Variants in KDM4C observed in about 807,000 individuals in gnomAD.
KDM4C encodes the protein lysine demethylase 4C, also known as lysine-specific demethylase 4C.
A neutral mutation model predicts 129.3 loss-of-function variants in KDM4C; 81 were observed. That is an observed-to-expected ratio of 0.63 (90% CI 0.52 to 0.75). The LOEUF is 0.75. Among genes scored for constraint, KDM4C ranks in the 30% least tolerant of loss-of-function variants. KDM4C has a pLI of 0.00. For missense variants in KDM4C, 1,457 were observed against 1,304.0 expected (o/e 1.12, Z -1.81); for synonymous variants, 573 against 456.1 (o/e 1.26, Z -3.26).
In KDM4C at chr9:6,990,490, G is replaced by T. The variant is rs1818532342; in HGVS notation, c.1752G>T (p.Met584Ile). ...GCAGGCCTCCAGCAAGATCTCCGAT[G>T]ACTCTTGTGAAGCAGCAGGCGCCAA... ...PLSRPPARSP[M>I]TLVKQQAPSD... Residue 584 changes from methionine (M) to isoleucine (I), a missense_variant, in exon 12 of 22, where the codon ATG (methionine) becomes ATT (isoleucine). Transcript: ENST00000381309. 2 of 1,612,740 alleles carry T rather than the reference G, an allele frequency of 1.2e-6. No individual in the cohort carries two copies. The highest frequency in any genetic ancestry group is 1.3e-5 in the African/African-American group (1 of 74,734).
intron 11 of KDM4C, 173 bp downstream of exon 11, chr9:6,986,839 TG>T: frequency 1.9e-6 from 1 of 539,700 alleles, no homozygotes; most frequent in South Asian, 3.3e-5. Flanking sequence ...CTGTGAGCTG[TG>T]GCTCACATAG....
chr9:7,031,676 ATGTGTGTGTGTATGTG>A (rs1218558890), intron 15 of KDM4C, among the ~76,000 whole-genome samples: 1 of 151,826 alleles, frequency 6.6e-6, no homozygotes, highest in Non-Finnish European at 1.5e-5. Flanking sequence ...TTATATATAT[ATGTGTGTGTGTATGTG>A]TGTGTGTGTG....
intron 19 of KDM4C, among the ~76,000 whole-genome samples, chr9:7,135,141 G>A (rs1261658493): frequency 2.6e-5 from 4 of 152,112 alleles, no homozygotes; most frequent in African/African-American, 4.8e-5. Flanking sequence ...GCATCATAGC[G>A]ACAGTTTCCA....
intron 17 of KDM4C, among the ~76,000 whole-genome samples, chr9:7,060,121 T>C (rs976943868): frequency 2.0e-5 from 3 of 152,100 alleles, no homozygotes; most frequent in Non-Finnish European, 2.9e-5. Flanking sequence ...TGATATCCTG[T>C]AACTTATCAG....
chr9:6,854,758 G>T (rs73639382), intron 5 of KDM4C, among the ~76,000 whole-genome samples: 1 of 152,144 alleles, frequency 6.6e-6, no homozygotes, highest in Non-Finnish European at 1.5e-5. Context: ...CAGTTAAGAA[G>T]TATCCAATTA....
At chr9:7,024,595 G>T (rs1476478606) in intron 15 of KDM4C, among the ~76,000 whole-genome samples, 1 of 151,010 alleles carries the variant, frequency 6.6e-6, no homozygotes, top group Non-Finnish European at 1.5e-5. Flanking sequence ...TTGGTTTTCT[G>T]TTCTTGCAAT....
chr9:7,067,600 A>G (rs1832602744), intron 17 of KDM4C, among the ~76,000 whole-genome samples: 1 of 152,240 alleles, frequency 6.6e-6, no homozygotes, highest in Non-Finnish European at 1.5e-5. Flanking sequence ...GAATTCAAAT[A>G]TATAGATCAT....
intron 8 of KDM4C, among the ~76,000 whole-genome samples, chr9:6,974,544 G>C (rs944359917): frequency 1.3e-5 from 2 of 152,148 alleles, no homozygotes; most frequent in Admixed American, 6.5e-5. Flanking sequence ...TTTTAGTAGA[G>C]ACGGAGTTTC....
intron 17 of KDM4C, among the ~76,000 whole-genome samples, chr9:7,072,613 C>T (rs1156924851): frequency 6.6e-6 from 1 of 152,114 alleles, no homozygotes; most frequent in Non-Finnish European, 1.5e-5. Flanking sequence ...GGGCCTTATG[C>T]ATGGGTGGAG....
intron 8 of KDM4C, chr9:6,893,449 A>G (rs995280910): frequency 6.2e-5 from 23 of 371,670 alleles, no homozygotes; most frequent in East Asian, 1.7e-4. Context: ...ATGTGGAGCA[A>G]TTTACCCTGA....
At chr9:6,953,385 G>A (rs568067278) in intron 8 of KDM4C, among the ~76,000 whole-genome samples, 1 of 152,250 alleles carries the variant, frequency 6.6e-6, no homozygotes, top group East Asian at 1.9e-4. Flanking sequence ...TTTGACCTAT[G>A]GTTTGAATTA....
chr9:7,000,354 C>G lies in KDM4C; in HGVS notation c.1786+9830C>G, dbSNP rs1379230542. Among the ~76,000 whole-genome samples, 3 of 152,150 alleles carry G rather than the reference C, an allele frequency of 2.0e-5. No individual in the cohort carries two copies. The East Asian group carries it at 5.8e-4, about 29-fold the overall frequency. On this transcript the variant is annotated intron_variant, in intron 12 of 21. Coordinates refer to ENST00000381309, the MANE Select transcript of KDM4C (RefSeq NM_015061.6). ...ATGCTGTTGCTTTCTGTATTTCTTACTTTCAATTTTGAAACTTTTCTAAAC... is the reference window on the plus strand; with the variant it reads ...ATGCTGTTGCTTTCTGTATTTCTTAGTTTCAATTTTGAAACTTTTCTAAAC...
intron 1 of KDM4C, among the ~76,000 whole-genome samples, chr9:6,740,436 CT>C (rs1298039771): frequency 6.6e-6 from 1 of 152,112 alleles, no homozygotes; most frequent in Non-Finnish European, 1.5e-5. Context: ...ATCTCCTGAC[CT>C]TGTGATCCGC....
In KDM4C at chr9:6,758,767, C is replaced by T. The variant is rs553010437; in HGVS notation, c.-18+564C>T. ...CATGGGGCCATTTCTTCCTGCAGTGCCTGGAGGAACCATGATGCGGTGTAG... is the reference window on the plus strand; with the variant it reads ...CATGGGGCCATTTCTTCCTGCAGTGTCTGGAGGAACCATGATGCGGTGTAG... On this transcript the variant is annotated intron_variant, in intron 1 of 21. Coordinates refer to ENST00000381309, the MANE Select transcript of KDM4C (RefSeq NM_015061.6). This position sits in a 1 kb window ranked among gnomAD's most constrained non-coding sequence, Gnocchi z 4.6. Among the ~76,000 whole-genome samples, 1 of 152,246 alleles carries T rather than the reference C, an allele frequency of 6.6e-6. No homozygotes were observed. Among genetic ancestry groups the T allele is most frequent in the African/African-American group, 2.4e-5 (1 of 41,472 alleles).
At chr9:6,888,945 G>A (rs1002855105) in intron 7 of KDM4C, among the ~76,000 whole-genome samples, 1 of 87,976 alleles carries the variant, frequency 1.1e-5, no homozygotes, top group Admixed American at 1.0e-4. Context: ...CCGCCACTAC[G>A]CCCGGCTAAT....
intron 8 of KDM4C, among the ~76,000 whole-genome samples, chr9:6,938,646 C>G (rs1370037605): frequency 6.6e-6 from 1 of 152,148 alleles, no homozygotes; most frequent in Non-Finnish European, 1.5e-5. Flanking sequence ...CCACAAGATT[C>G]CAAATCACTC....
chr9:6,919,276 TCTCTCTC>T (rs1820984052), intron 8 of KDM4C, among the ~76,000 whole-genome samples: 1 of 79,814 alleles, frequency 1.3e-5, no homozygotes, highest in African/African-American at 4.4e-5. Context: ...TCTTTCTGTC[TCTCTCTC>T]TCTCTTTCTT....
At chr9:6,866,360 C>G (rs949485722) in intron 5 of KDM4C, among the ~76,000 whole-genome samples, 2 of 152,170 alleles carry the variant, frequency 1.3e-5, no homozygotes, top group East Asian at 3.9e-4. Context: ...TTTTCCTTAG[C>G]TCTAGTAAAG....
chr9:6,848,981 A>G (rs1838352299), intron 4 of KDM4C, among the ~76,000 whole-genome samples: 2 of 152,210 alleles, frequency 1.3e-5, no homozygotes, highest in African/African-American at 4.8e-5. Flanking sequence ...TAAGGAAACA[A>G]TGTATTACAT....
Sources: gnomAD v4.1 joint callset for allele counts (sites outside exome capture counted in the v4.1 genomes callset) on GRCh38, gnomAD v4.1.1 for gene constraint, Gnocchi (gnomAD v3.1) non-coding constraint, MANE v1.5 for transcripts, NCBI Gene and HGNC (gene_info 2026-07-23, HGNC 2026-07-21) for gene names.